The following PTPRS variants were observed in gnomAD, a reference collection of about 807,000 sequenced individuals.
PTPRS encodes receptor-type tyrosine-protein phosphatase S.
PTPRS carries 63 observed loss-of-function variants against 215.3 expected under a neutral mutation model. The ratio of observed to expected loss-of-function variants is 0.29; its 90% CI spans 0.24 to 0.36. PTPRS has a LOEUF of 0.36. Among genes scored for constraint, PTPRS ranks in the 10% least tolerant of loss-of-function variants. The probability of loss-of-function intolerance (pLI) is 1.00; values close to 1 mark genes in which losing one functional copy is unlikely to be tolerated. For synonymous variants in PTPRS, 1,404 were observed against 1,191.4 expected (o/e 1.18, Z -3.68); for missense variants, 2,258 against 2,825.8 (o/e 0.80, Z 4.56).
intron 13 of PTPRS, among the ~76,000 whole-genome samples, chr19:5,236,188 C>G (rs1013437982): frequency 1.3e-5 from 2 of 152,234 alleles, no homozygotes; most frequent in African/African-American, 4.8e-5. Flanking sequence ...AGACCCCACC[C>G]TGGAAGCTTT....
At chr19:5,219,914 TG>T (rs1599433743) in intron 22 of PTPRS, 24 bp downstream of exon 22, 2 of 1,607,440 alleles carry the variant, frequency 1.2e-6, no homozygotes, top group African/African-American at 2.7e-5. Context: ...TGTCTGGATG[TG>T]GGCGGACACC....
intron 13 of PTPRS, among the ~76,000 whole-genome samples, chr19:5,234,894 ACT>A (rs2043306101): frequency 6.6e-6 from 1 of 151,280 alleles, no homozygotes; most frequent in Non-Finnish European, 1.5e-5. Context: ...GTGTCAGGCA[ACT>A]CTACTAAGGG....
chr19:5,232,277 T>C (rs534273250), intron 13 of PTPRS, among the ~76,000 whole-genome samples: 10 of 145,498 alleles, frequency 6.9e-5, no homozygotes, highest in African/African-American at 2.5e-4. Flanking sequence ...TAAAGGCTTA[T>C]TATGTGCCAG....
At position 5,246,095 on chromosome 19, in the gene PTPRS, T is replaced by C. The variant is rs764881745; in HGVS notation, c.719-50A>G. 8.6e-5 allele frequency: 92 copies of C among 1,064,448 alleles called. 1 individual carries two copies. In the East Asian group the frequency reaches 3.0e-3, roughly 35 times the overall value. The allele number at this position is 1,064,448 out of a possible 1,614,324, so 65.9% of individuals were successfully genotyped here. ...CGGGAGGGAGATGCGAGGGGTGAGG[T>C]GGGGTGAGGTTGGGAGGGGAAGACA... On this transcript the variant is annotated intron_variant, in intron 9 of 37. Transcript: ENST00000262963.
At chr19:5,256,454 T>C (rs531634189) in intron 8 of PTPRS, among the ~76,000 whole-genome samples, 1 of 151,976 alleles carries the variant, frequency 6.6e-6, no homozygotes, top group Non-Finnish European at 1.5e-5. Context: ...CCCAAGAGGA[T>C]GGAGGCTCAT....
rs2048496084 is a variant in PTPRS, at chr19:5,287,965, CACACACACA to C, written c.-94-1740_-94-1732del. ...CACACAGTCAGGCAGCAGAGACGGG[CACACACACA>C]CACACACACACACACACACACACAC... On this transcript the variant is annotated intron_variant, in intron 1 of 37. Coordinates refer to ENST00000262963, the MANE Select transcript of PTPRS (RefSeq NM_002850.4). The surrounding 1 kb of genome is among the most constrained non-coding windows in gnomAD (Gnocchi z 4.8). 3.1e-4 allele frequency among the ~76,000 whole-genome samples: 1 copy of C among 3,192 alleles called. No homozygotes were observed. The highest frequency in any genetic ancestry group is 6.8e-4 in the Non-Finnish European group (1 of 1,464). 2.1% of individuals were successfully genotyped at this position (3,192 alleles called of 152,430 possible).
chr19:5,307,042 C>T (rs190149459), intron 1 of PTPRS, among the ~76,000 whole-genome samples: 45 of 152,286 alleles, frequency 3.0e-4, no homozygotes, highest in Non-Finnish European at 5.3e-4. Context: ...CAGTGGCTCA[C>T]GCCTGCAATC....
intron 17 of PTPRS, 142 bp downstream of exon 17, chr19:5,225,585 C>T: frequency 2.7e-6 from 2 of 739,042 alleles, no homozygotes; most frequent in South Asian, 1.6e-5. Flanking sequence ...ACCTGAGCAG[C>T]CCTCACACCT....
At chr19:5,236,976 G>T (rs981404671) in intron 13 of PTPRS, among the ~76,000 whole-genome samples, 26 of 152,100 alleles carry the variant, frequency 1.7e-4, no homozygotes, top group African/African-American at 5.3e-4. Context: ...ATGATGATGA[G>T]AAAAACTTAA....
Position 5,222,210 on chromosome 19 carries a change from C to A in PTPRS, c.3114G>T (p.Lys1038Asn). The change falls in exon 19 of 38, where the codon AAG becomes AAT. Residue 1038 changes from lysine to asparagine, a missense_variant. Physicochemically the swap from Lys to Asn is moderately conservative, Grantham distance 94. Transcript: ENST00000262963. ...TCATGATCATTTTCACCTTGAAGTT[C>A]TTGGGCGAGACTGCCGGGGAGGCGG... ...RTFLRDQVSP[K>N]NFKVKMIMKT... The A allele has an allele frequency of 6.2e-7, 1 of 1,613,752 alleles. No individual in the cohort carries two copies. The highest frequency in any genetic ancestry group is 1.3e-5 in the African/African-American group (1 of 75,048).
intron 1 of PTPRS, among the ~76,000 whole-genome samples, chr19:5,302,783 C>T (rs1036699272): frequency 6.6e-6 from 1 of 151,580 alleles, no homozygotes; most frequent in African/African-American, 2.4e-5. Context: ...CTCGGCCAGG[C>T]GTGGTGGCTC....
chr19:5,261,204 C>T (rs2045967200), intron 6 of PTPRS, among the ~76,000 whole-genome samples: 1 of 152,030 alleles, frequency 6.6e-6, no homozygotes. Flanking sequence ...TCATCACCCC[C>T]CCTTCCTTCT....
At chr19:5,213,552 A>AGACT (rs2041130087) in intron 30 of PTPRS, among the ~76,000 whole-genome samples, 1 of 152,158 alleles carries the variant, frequency 6.6e-6, no homozygotes, top group Non-Finnish European at 1.5e-5. Flanking sequence ...CTTGTCTACT[A>AGACT]GACTGTTAAA....
chr19:5,329,831 C>G (rs2050268764), intron 1 of PTPRS, among the ~76,000 whole-genome samples: 1 of 151,758 alleles, frequency 6.6e-6, no homozygotes, highest in Admixed American at 6.6e-5. Flanking sequence ...GATCCCAGCA[C>G]TTTGAGAGGC....
intron 30 of PTPRS, 23 bp from the exon 31 acceptor site, chr19:5,212,514 C>T (rs1423295014): frequency 6.4e-7 from 1 of 1,564,600 alleles, no homozygotes; most frequent in South Asian, 1.2e-5. Flanking sequence ...AGGATGTCAC[C>T]TGTCACTCCG....
rs143627930 is a variant in PTPRS at position 5,258,521 on chromosome 19, A to C, written c.596-394T>G. Among the ~76,000 whole-genome samples the C allele has an allele frequency of 4.6e-5, 7 of 152,360 alleles. No individual in the cohort carries two copies. In the East Asian group the frequency reaches 1.2e-3, roughly 25 times the overall value. ...ATTCACAACTCATAACCATCATTTG[A>C]TAGATCCAGGGACCTGAGGGGGCCC... On this transcript the variant is annotated intron_variant, in intron 7 of 37. Transcript: ENST00000262963.
chr19:5,231,124 T>C (rs4807015), intron 14 of PTPRS, among the ~76,000 whole-genome samples, 186 bp downstream of exon 14: 56,856 of 152,066 alleles, frequency 0.37, 12,821 homozygotes, highest in East Asian at 0.71. Flanking sequence ...AGCCTGCCCA[T>C]GTCTAGAATC....
intron 1 of PTPRS, among the ~76,000 whole-genome samples, chr19:5,308,579 G>A (rs1446038562): frequency 2.6e-5 from 4 of 152,194 alleles, no homozygotes; most frequent in Non-Finnish European, 4.4e-5. Flanking sequence ...CACCGACGCA[G>A]TCACAGGGGC....
Position 5,280,402 on chromosome 19 carries a change from T to C in PTPRS, c.91+5648A>G, listed in dbSNP as rs577407678. 1.6e-4 allele frequency among the ~76,000 whole-genome samples: 24 copies of C among 152,312 alleles called. 3 individuals are homozygous for C. Among genetic ancestry groups the C allele is most frequent in the Admixed American group, 6.5e-4 (10 of 15,296 alleles). ...TCCTGTTGATATGACCGTATGTGTG[T>C]GCTTTGAGCATCTGTCCCAAAAGTC... On this transcript the variant is annotated intron_variant, in intron 2 of 37. Transcript: ENST00000262963.
Sources: allele counts gnomAD v4.1 joint callset (sites outside exome capture counted in the v4.1 genomes callset), GRCh38; gene constraint gnomAD v4.1.1; non-coding constraint Gnocchi (gnomAD v3.1); transcripts MANE v1.5; gene names NCBI Gene and HGNC (gene_info 2026-07-23, HGNC 2026-07-21).